The following DOP1A variants were observed in gnomAD, a reference collection of about 807,000 sequenced individuals.
DOP1A encodes protein DOP1A.
A neutral mutation model predicts 267.6 loss-of-function variants in DOP1A; 90 were observed. That is an observed-to-expected ratio of 0.34 (90% confidence interval 0.28 to 0.40). DOP1A has a LOEUF of 0.40. Among genes scored for constraint, DOP1A ranks in the 10% least tolerant of loss-of-function variants. The probability of loss-of-function intolerance (pLI) is 1.00; values close to 1 mark genes in which losing one functional copy is unlikely to be tolerated. For missense variants in DOP1A, 2,437 were observed against 2,900.4 expected (o/e 0.84, Z 3.67); for synonymous variants, 932 against 999.1 (o/e 0.93, Z 1.27).
intron 23 of DOP1A, among the ~76,000 whole-genome samples, chr6:83,141,076 A>G (rs1262070143): frequency 6.6e-6 from 1 of 152,198 alleles, no homozygotes; most frequent in East Asian, 1.9e-4. Context: ...CAGAAAAAAC[A>G]GAGATCCTAA....
intron 19 of DOP1A, 106 bp downstream of exon 19, chr6:83,134,393 A>G (rs755052377): frequency 5.5e-5 from 42 of 768,396 alleles, no homozygotes; most frequent in Non-Finnish European, 7.6e-5. Flanking sequence ...GCAATTTACA[A>G]ATTTTATAAA....
intron 38 of DOP1A, 70 bp downstream of exon 38, chr6:83,162,989 T>A: frequency 6.7e-7 from 1 of 1,489,110 alleles, no homozygotes; most frequent in East Asian, 2.3e-5. Flanking sequence ...ATTTATTAAA[T>A]ACTTCCTGGG....
chr6:83,166,374 ACTT>A (rs1402960348), intron 38 of DOP1A: 1 of 699,502 alleles, frequency 1.4e-6, no homozygotes, highest in Non-Finnish European at 2.6e-6. Context: ...CCTTTGCAAA[ACTT>A]CTTGAGCCAT....
At chr6:83,125,762 G>C in intron 15 of DOP1A, 29 bp downstream of exon 15, 1 of 1,559,762 alleles carries the variant, frequency 6.4e-7, no homozygotes, top group Non-Finnish European at 8.8e-7. Flanking sequence ...TTTGGTATTA[G>C]ACTGTTCATA....
intron 38 of DOP1A, chr6:83,164,810 G>C: frequency 4.8e-6 from 5 of 1,042,916 alleles, no homozygotes; most frequent in Non-Finnish European, 2.8e-6. Flanking sequence ...ACAAGTACAA[G>C]GGAGGTAAAC....
At chr6:83,084,222 T>G (rs1404981436) in intron 1 of DOP1A, among the ~76,000 whole-genome samples, 1 of 152,226 alleles carries the variant, frequency 6.6e-6, no homozygotes, top group East Asian at 1.9e-4. Context: ...ACTTTTCTAT[T>G]TTTAGGTACA....
intron 3 of DOP1A, among the ~76,000 whole-genome samples, chr6:83,099,654 G>A (rs1021192766): frequency 6.6e-6 from 1 of 151,732 alleles, no homozygotes; most frequent in African/African-American, 2.4e-5. Flanking sequence ...AGCCAAAATT[G>A]TGATAGAACA....
rs1198310412 is a variant in DOP1A, at chr6:83,138,163, A to G, written c.4121A>G (p.Gln1374Arg). Residue 1374 changes from glutamine to arginine, a missense_variant, in exon 21 of 39, where the codon CAG becomes CGG. Coordinates refer to ENST00000349129, the MANE Select transcript of DOP1A (RefSeq NM_015018.4). Reference protein sequence around the residue: ...PLYQHVLLYLQLYDSSRTLYA... With the variant: ...PLYQHVLLYLRLYDSSRTLYA... ...TATCAACATGTGCTCCTGTATCTCC[A>G]GTTGTATGATTCATCCAGGACTTTG... 5 of 1,613,824 alleles carry G rather than the reference A, an allele frequency of 3.1e-6. No individual in the cohort carries two copies. The African/African-American group carries it at 6.7e-5, about 22-fold the overall frequency.
intron 18 of DOP1A, among the ~76,000 whole-genome samples, chr6:83,133,634 C>G (rs1444189298): frequency 6.6e-6 from 1 of 151,592 alleles, no homozygotes; most frequent in Non-Finnish European, 1.5e-5. Context: ...ATTGTTTTAC[C>G]CATTATTATA....
At chr6:83,107,262 G>T (rs1181717337) in intron 4 of DOP1A, among the ~76,000 whole-genome samples, 1 of 152,080 alleles carries the variant, frequency 6.6e-6, no homozygotes, top group Non-Finnish European at 1.5e-5. Flanking sequence ...AAAGAAAAAA[G>T]ATAATGGATG....
intron 38 of DOP1A, chr6:83,165,900 C>T: frequency 4.9e-6 from 2 of 406,322 alleles, no homozygotes; most frequent in Non-Finnish European, 9.8e-6. Context: ...GTAATGGTTT[C>T]ACCTGGATTC....
In DOP1A at chr6:83,102,091, G is replaced by A. The variant is rs192579649; in HGVS notation, c.320+1205G>A. On this transcript the variant is annotated intron_variant, in intron 4 of 38. Coordinates refer to ENST00000349129, the MANE Select transcript of DOP1A (RefSeq NM_015018.4). ...TTTAAACTCCTGCTTGCTTGACATC[G>A]CCATATAGATCTTTAAAGGCAACTA... Among the ~76,000 whole-genome samples, 515 of 152,156 alleles carry A rather than the reference G, an allele frequency of 3.4e-3. 2 individuals are homozygous for A. The highest frequency in any genetic ancestry group is 4.6e-3 in the Non-Finnish European group (312 of 68,020).
chr6:83,156,528 C>A (rs1782833807), intron 34 of DOP1A, among the ~76,000 whole-genome samples: 1 of 152,306 alleles, frequency 6.6e-6, no homozygotes, highest in Non-Finnish European at 1.5e-5. Context: ...GATTATGTAA[C>A]ATTTTCGGTA....
chr6:83,158,187 A>G (rs1228798579), intron 35 of DOP1A, among the ~76,000 whole-genome samples: 5 of 151,700 alleles, frequency 3.3e-5, no homozygotes, highest in Admixed American at 1.3e-4. Context: ...ATTTTTAGTA[A>G]AGACGGGGTT....
chr6:83,171,169 G>A (rs915381384), downstream of DOP1A: 6 of 151,968 alleles, frequency 3.9e-5, no homozygotes, highest in Non-Finnish European at 5.9e-5. Context: ...GTGAGATCTC[G>A]TCTCTAAATA....
Position 83,084,597 on chromosome 6 carries a change from T to G in DOP1A, c.-146-12134T>G, listed in dbSNP as rs182252061. 2.6e-3 allele frequency among the ~76,000 whole-genome samples: 403 copies of G among 152,300 alleles called. 7 individuals are homozygous for G. Among genetic ancestry groups the G allele is most frequent in the African/African-American group, 9.0e-3 (376 of 41,548 alleles). On this transcript the variant is annotated intron_variant, in intron 1 of 38. Transcript: ENST00000349129. ...TGTTTTTTTTGTTTTGTTTTGTTTT[T>G]TTTGAGACAGAGTCTTGCTTTGTAG...
In DOP1A at chr6:83,149,508, G is replaced by A. The variant is rs1426287723; in HGVS notation, c.5837+645G>A. Among the ~76,000 whole-genome samples, 6 of 152,142 alleles carry A rather than the reference G, an allele frequency of 3.9e-5. No individual in the cohort carries two copies. In the East Asian group the frequency reaches 1.2e-3, roughly 29 times the overall value. On this transcript the variant is annotated intron_variant, in intron 27 of 38. Coordinates refer to ENST00000349129, the MANE Select transcript of DOP1A (RefSeq NM_015018.4). ...TTGTCTGATTTGGTAATAGAGCAGGGCACAGGCAGTGGTATAGTGGAAAAT... is the reference window on the plus strand; with the variant it reads ...TTGTCTGATTTGGTAATAGAGCAGGACACAGGCAGTGGTATAGTGGAAAAT...
rs770222895 is a variant in DOP1A, at chr6:83,130,263, A to C, written c.2482A>C (p.Thr828Pro). ...ACTGACACAGTCTGTGGCCATGGTC[A>C]CTGGGGAAAACATCAACAGTGTAGA... ...VGLTQSVAMVTGENINSVEPA... is the reference protein window; with the variant it reads ...VGLTQSVAMVPGENINSVEPA... Residue 828 changes from threonine to proline, a missense_variant, in exon 17 of 39, where the codon ACT (threonine) becomes CCT (proline). By Grantham distance (38) the Thr-to-Pro change is conservative. This residue lies in a region of DOP1A where 878 missense variants were observed against 992.9 expected (regional missense o/e 0.88). Transcript: ENST00000349129. 6.2e-7 allele frequency: 1 copy of C among 1,613,968 alleles called. No homozygotes were observed. Among genetic ancestry groups the C allele is most frequent in the Non-Finnish European group, 8.5e-7 (1 of 1,179,996 alleles).
chr6:83,083,283 GT>G (rs1768467761), intron 1 of DOP1A, among the ~76,000 whole-genome samples: 1 of 151,960 alleles, frequency 6.6e-6, no homozygotes, highest in East Asian at 1.9e-4. Context: ...AATAACATAT[GT>G]ATTTACATTA....
Sources: allele counts gnomAD v4.1 joint callset (sites outside exome capture counted in the v4.1 genomes callset), GRCh38; gene constraint gnomAD v4.1.1; regional missense constraint gnomAD v4.1.1; transcripts MANE v1.5; gene names NCBI Gene and HGNC (gene_info 2026-07-23, HGNC 2026-07-21).